C3: variants seen among roughly 807,000 people sequenced by gnomAD.
C3 encodes the protein C3 and PZP-like alpha-2-macroglobulin domain-containing protein 1.
A neutral mutation model predicts 207.9 loss-of-function variants in C3; 97 were observed. The ratio of observed to expected loss-of-function variants is 0.47; its 90% CI spans 0.40 to 0.55. The LOEUF is 0.55. Ranked by LOEUF, C3 falls within the 20% of genes least tolerant of loss-of-function variation. The pLI is 0.00. For missense variants in C3, 1,684 were observed against 2,171.7 expected (o/e 0.78, Z 4.46); for synonymous variants, 848 against 857.6 (o/e 0.99, Z 0.20).
rs1218266804 is a variant in C3 at position 6,700,361 on chromosome 19, T to G, written c.2440+1766A>C. Among the ~76,000 whole-genome samples, 25 of 15,848 alleles carry G rather than the reference T, an allele frequency of 1.6e-3. 8 individuals carry two copies. Among genetic ancestry groups the G allele is most frequent in the African/African-American group, 7.5e-3 (25 of 3,326 alleles). The allele number at this position is 15,848 out of a possible 152,430, so 10.4% of individuals were successfully genotyped here. On this transcript the variant is annotated intron_variant, in intron 19 of 40. Coordinates refer to ENST00000245907, the MANE Select transcript of C3 (RefSeq NM_000064.4). Reference sequence around the variant, plus strand: ...TAATATGTAATATATGATATATATGTAATATGATATATTATATATGTAATA... The same window carrying G: ...TAATATGTAATATATGATATATATGGAATATGATATATTATATATGTAATA...
rs1365772361 is a variant in C3, at chr19:6,707,790, G to GCGACCT, written c.1975+4_1975+9dup. The GCGACCT allele has an allele frequency of 4.3e-6, 7 of 1,612,980 alleles. No homozygotes were observed. Among genetic ancestry groups the GCGACCT allele is most frequent in the Non-Finnish European group, 5.9e-6 (7 of 1,179,938 alleles). On this transcript the variant is annotated intron_variant, in intron 15 of 40. Coordinates refer to ENST00000245907, the MANE Select transcript of C3 (RefSeq NM_000064.4). ...TCTGTCCCTGCACCGGCCCCTGGTG[G>GCGACCT]CGACCTCACCTGCCCTCTGGGCGGT...
chr19:6,694,565 G>A lies in C3; in HGVS notation c.3020C>T (p.Pro1007Leu). The A allele has an allele frequency of 3.1e-6, 5 of 1,614,066 alleles. No individual in the cohort carries two copies. Among genetic ancestry groups the A allele is most frequent in the Non-Finnish European group, 4.2e-6 (5 of 1,179,982 alleles). ...AERLKHLIVT[P>L]SGCGEQNMIG... ...CATGTTCTGTTCCCCGCAGCCCGAG[G>A]GGGTCACAATGAGGTGCTTCAGCCG... Residue 1007 changes from proline (P) to leucine (L), a missense_variant, in exon 24 of 41, where the codon CCC becomes CTC. This residue lies in a region of C3 where 1,280 missense variants were observed against 1,739.1 expected (regional missense o/e 0.74). Transcript: ENST00000245907.
intron 27 of C3, among the ~76,000 whole-genome samples, chr19:6,689,323 A>ACCTACCTACCTC (rs1918096544): frequency 3.2e-5 from 1 of 31,008 alleles, no homozygotes; most frequent in Non-Finnish European, 5.8e-5. Context: ...CTCTCTCTCT[A>ACCTACCTACCTC]CCTACCTCCC....
At chr19:6,681,462 C>G (rs1403254162) in intron 35 of C3, among the ~76,000 whole-genome samples, 2 of 151,692 alleles carry the variant, frequency 1.3e-5, no homozygotes, top group Non-Finnish European at 2.9e-5. Context: ...AGGAGGATCC[C>G]TTGAGCCCAG....
chr19:6,690,835 C>T, intron 26 of C3, 108 bp from the exon 27 acceptor site: 1 of 823,248 alleles, frequency 1.2e-6, no homozygotes, highest in Non-Finnish European at 2.1e-6. Context: ...GGCTGAGTCT[C>T]TTCTAGGTGT....
At chr19:6,696,727 A>G in intron 21 of C3, 68 bp from the exon 22 acceptor site, 1 of 1,438,152 alleles carries the variant, frequency 7.0e-7, no homozygotes, top group Non-Finnish European at 9.8e-7. Context: ...ACAGATGGTC[A>G]GCAGGGCACT....
intron 4 of C3, among the ~76,000 whole-genome samples, chr19:6,716,159 G>A (rs527374820): frequency 6.6e-6 from 1 of 151,238 alleles, no homozygotes; most frequent in African/African-American, 2.4e-5. Flanking sequence ...TCTTGGCCTC[G>A]AGCAGTCTTC....
rs775733166 is a variant in C3 at position 6,694,576 on chromosome 19, G to A, written c.3009C>T (p.Leu1003=). 1 of 1,614,028 alleles carries A rather than the reference G, an allele frequency of 6.2e-7. No individual in the cohort carries two copies. Among genetic ancestry groups the A allele is most frequent in the South Asian group, 1.1e-5 (1 of 91,092 alleles). Residue 1003 remains leucine, a synonymous_variant, in exon 24 of 41, where the codon CTC becomes CTT. Transcript: ENST00000245907. ...CCCCGCAGCCCGAGGGGGTCACAAT[G>A]AGGTGCTTCAGCCGTTCCGCGTCGA... ...DAVDAERLKH[L]IVTPSGCGEQ...
In C3 at chr19:6,702,120, C is replaced by T. The variant is rs374689838; in HGVS notation, c.2440+7G>A. Reference sequence around the variant, plus strand: ...CCTCCCGGGGACCAGCCAGCATCCTCTCTCACCTTTCTTGTCCGACATGCT... The same window carrying T: ...CCTCCCGGGGACCAGCCAGCATCCTTTCTCACCTTTCTTGTCCGACATGCT... On this transcript the variant is annotated splice_region_variant and intron_variant, in intron 19 of 40. Transcript: ENST00000245907. The T allele has an allele frequency of 3.6e-5, 55 of 1,543,252 alleles. No homozygotes were observed. The highest frequency in any genetic ancestry group is 7.2e-6 in the Non-Finnish European group (8 of 1,117,300).
chr19:6,692,515 C>T (rs1599505681), intron 26 of C3, among the ~76,000 whole-genome samples: 1 of 152,044 alleles, frequency 6.6e-6, no homozygotes, highest in African/African-American at 2.4e-5. Flanking sequence ...TACAAGGTCT[C>T]CAAATAAGGA....
intron 4 of C3, 75 bp downstream of exon 4, chr19:6,718,019 C>T: frequency 7.0e-7 from 1 of 1,437,928 alleles, no homozygotes; most frequent in Non-Finnish European, 9.8e-7. Context: ...GTGTGTCTTT[C>T]TCTGTCTCTC....
In C3 at chr19:6,682,249, G is replaced by C. The variant is rs1212537956; in HGVS notation, c.4173-20C>G. The C allele has an allele frequency of 1.1e-5, 18 of 1,596,088 alleles. No homozygotes were observed. Among genetic ancestry groups the C allele is most frequent in the Non-Finnish European group, 1.5e-5 (18 of 1,163,486 alleles). ...CGGTACCTGGATAGTGCAGAAAGAA[G>C]GGCATTGGGTCCCAAGGAGGGGTCA... On this transcript the variant is annotated intron_variant, in intron 33 of 40. Transcript: ENST00000245907.
chr19:6,696,810 G>T (rs966814175), intron 21 of C3, 151 bp from the exon 22 acceptor site: 2 of 751,678 alleles, frequency 2.7e-6, no homozygotes, highest in Non-Finnish European at 4.7e-6. Context: ...GGGAGGCCGA[G>T]GTGGGTGGAT....
At position 6,700,622 on chromosome 19, in the gene C3, AATATATG is replaced by A. The variant is rs1292090912; in HGVS notation, c.2440+1498_2440+1504del. Reference sequence around the variant, plus strand: ...ATGATATATTATATATGTAATATATAATATATGATATATTATATATGTAATATATAAT... The same window carrying A: ...ATGATATATTATATATGTAATATATAATATATTATATATGTAATATATAAT... On this transcript the variant is annotated intron_variant, in intron 19 of 40. Coordinates refer to ENST00000245907, the MANE Select transcript of C3 (RefSeq NM_000064.4). Among the ~76,000 whole-genome samples, 2 of 35,418 alleles carry A rather than the reference AATATATG, an allele frequency of 5.6e-5. 1 individual carries two copies. Among genetic ancestry groups the A allele is most frequent in the Non-Finnish European group, 8.8e-5 (2 of 22,612 alleles). 23.2% of individuals were successfully genotyped at this position (35,418 alleles called of 152,430 possible).
intron 13 of C3, among the ~76,000 whole-genome samples, chr19:6,710,222 G>T (rs1387789315): frequency 1.8e-5 from 2 of 112,552 alleles, no homozygotes; most frequent in Admixed American, 8.4e-5. Flanking sequence ...AAGAGGGAGA[G>T]AGAAGGAGAG....
chr19:6,713,229 C>T lies in C3; in HGVS notation c.963G>A (p.Gly321=), dbSNP rs768273081. 45 of 1,613,720 alleles carry T rather than the reference C, an allele frequency of 2.8e-5. No homozygotes were observed. The Middle Eastern group carries it at 4.9e-4, about 18-fold the overall frequency. Residue 321 remains glycine (G), a synonymous_variant, in exon 9 of 41, where the codon GGG becomes GGA. Transcript: ENST00000245907. ...CGGTGGCAGACACGTACAAAGACTTCCCCACCAGGTCTTCTGCTCGGGGGT... is the reference window on the plus strand; with the variant it reads ...CGGTGGCAGACACGTACAAAGACTTTCCCACCAGGTCTTCTGCTCGGGGGT... The part of the protein sequence containing the change: ...VQNPRAEDLV[G]KSLYVSATVI...
intron 12 of C3, 69 bp from the exon 13 acceptor site, chr19:6,710,914 G>C: frequency 6.3e-7 from 1 of 1,599,296 alleles, no homozygotes; most frequent in Admixed American, 1.7e-5. Flanking sequence ...GATCCGGGAT[G>C]GGGGAAGGAG....
Position 6,719,152 on chromosome 19 carries a change from AGGG to A in C3, c.267+56_267+58del. 7 of 1,312,976 alleles carry A rather than the reference AGGG, an allele frequency of 5.3e-6. No individual in the cohort carries two copies. The South Asian group carries it at 8.6e-5, about 16-fold the overall frequency. The allele number at this position is 1,312,976 out of a possible 1,614,324, so 81.3% of individuals were successfully genotyped here. A position where few individuals can be genotyped will look rare whatever the true frequency, so the allele number is the denominator to read the frequency against. On this transcript the variant is annotated intron_variant, in intron 2 of 40. Coordinates refer to ENST00000245907, the MANE Select transcript of C3 (RefSeq NM_000064.4). This position sits in a 1 kb window ranked among gnomAD's most constrained non-coding sequence, Gnocchi z 5.4. ...GACAGAAGGGGAGGGGCTCAGGAGG[AGGG>A]GGGGAGTGGGCGTGGCTGTGGGTGT...
intron 17 of C3, among the ~76,000 whole-genome samples, chr19:6,705,873 C>A (rs1248159856): frequency 6.6e-6 from 1 of 151,876 alleles, no homozygotes; most frequent in Non-Finnish European, 1.5e-5. Context: ...GGGGTTTCAC[C>A]ATGTTGGCCA....
Sources: allele counts gnomAD v4.1 joint callset (sites outside exome capture counted in the v4.1 genomes callset), GRCh38; gene constraint gnomAD v4.1.1; regional missense constraint gnomAD v4.1.1; non-coding constraint Gnocchi (gnomAD v3.1); transcripts MANE v1.5; gene names NCBI Gene and HGNC (gene_info 2026-07-23, HGNC 2026-07-21).